Variants in EIF3H observed in about 807,000 individuals in gnomAD.
EIF3H encodes eIF-3-gamma.
Under a neutral mutation model 44.2 loss-of-function variants are expected in EIF3H, and 26 were observed. The ratio of observed to expected loss-of-function variants is 0.59; its 90% CI spans 0.43 to 0.82. EIF3H has a LOEUF of 0.82. Among genes scored for constraint, EIF3H ranks in the 40% least tolerant of loss-of-function variants. The probability of loss-of-function intolerance (pLI) is 0.00; values close to 1 mark genes in which losing one functional copy is unlikely to be tolerated. For missense variants in EIF3H, 359 were observed against 432.8 expected, an observed-to-expected ratio of 0.83 and a Z score of 1.51; for synonymous variants, 166 against 151.9, an observed-to-expected ratio of 1.09 and a Z score of -0.68.
intron 5 of EIF3H, among the ~76,000 whole-genome samples, 183 bp from the exon 6 acceptor site, chr8:116,649,109 G>A (rs913246368): frequency 1.3e-5 from 2 of 152,162 alleles, no homozygotes; most frequent in Non-Finnish European, 2.9e-5. Flanking sequence ...TTTCCATACC[G>A]AACTTCCAAC....
At chr8:116,688,809 G>T (rs1306638113) in intron 2 of EIF3H, among the ~76,000 whole-genome samples, 1 of 152,134 alleles carries the variant, frequency 6.6e-6, no homozygotes, top group East Asian at 1.9e-4. Context: ...TAGAATACGA[G>T]AAGTAATAAA....
intron 1 of EIF3H, among the ~76,000 whole-genome samples, chr8:116,731,292 A>G (rs969793971): frequency 6.6e-6 from 1 of 152,212 alleles, no homozygotes; most frequent in African/African-American, 2.4e-5. Flanking sequence ...TTTAAAGTAT[A>G]CTAATGCGTG....
chr8:116,646,634 T>C, intron 6 of EIF3H, 31 bp from the exon 7 acceptor site: 1 of 1,610,672 alleles, frequency 6.2e-7, no homozygotes, highest in Non-Finnish European at 8.5e-7. Context: ...GGTTTGGTTA[T>C]TTTTCTCCAT....
At chr8:116,702,322 G>A (rs923925095) in intron 2 of EIF3H, among the ~76,000 whole-genome samples, 1 of 152,198 alleles carries the variant, frequency 6.6e-6, no homozygotes, top group African/African-American at 2.4e-5. Context: ...AGAGAGAAAA[G>A]CAGGAATTAC....
intron 2 of EIF3H, among the ~76,000 whole-genome samples, chr8:116,708,718 T>C (rs1171207731): frequency 6.6e-6 from 1 of 152,106 alleles, no homozygotes; most frequent in Non-Finnish European, 1.5e-5. Context: ...AGTACTTTAT[T>C]CTTAAAACAT....
intron 1 of EIF3H, among the ~76,000 whole-genome samples, chr8:116,752,700 GA>G (rs1424584278): frequency 3.1e-5 from 4 of 127,920 alleles, no homozygotes; most frequent in African/African-American, 8.6e-5. Flanking sequence ...AAGAAAGAAA[GA>G]AAGAAAGAAA....
At chr8:116,732,481 T>C (rs1218013783) in intron 1 of EIF3H, among the ~76,000 whole-genome samples, 1 of 152,140 alleles carries the variant, frequency 6.6e-6, no homozygotes, top group Non-Finnish European at 1.5e-5. Flanking sequence ...AAAGACTCAG[T>C]TCCATGACAG....
chr8:116,717,882 A>T (rs1814680081), intron 2 of EIF3H, among the ~76,000 whole-genome samples: 1 of 152,182 alleles, frequency 6.6e-6, no homozygotes, highest in Non-Finnish European at 1.5e-5. Context: ...AACAAAACCA[A>T]GATAAATTGA....
chr8:116,674,200 ACT>A (rs910729221), intron 2 of EIF3H, among the ~76,000 whole-genome samples: 9 of 151,510 alleles, frequency 5.9e-5, no homozygotes, highest in Admixed American at 1.3e-4. Flanking sequence ...AAAGCCCAAG[ACT>A]CTGCTGAGTA....
chr8:116,681,776 C>T (rs537882674), intron 2 of EIF3H, among the ~76,000 whole-genome samples: 1 of 151,842 alleles, frequency 6.6e-6, no homozygotes, highest in African/African-American at 2.4e-5. Context: ...ATAAACAATT[C>T]TTTTCTAAAT....
rs1554603840 is a variant in EIF3H at position 116,752,730 on chromosome 8, A to AG, written c.132+2935_132+2936insC. ...AAAGAAAGAAAGAAAGAAAGAAAGA[A>AG]AGAAGAGAAAGAAAGAAAGAAAGAG... is the stretch of plus-strand genomic sequence containing the variant. On this transcript the variant is annotated intron_variant, in intron 1 of 7. Transcript: ENST00000521861. Among the ~76,000 whole-genome samples the AG allele has an allele frequency of 1.8e-3, 230 of 128,766 alleles. 1 individual carries two copies. The highest frequency in any genetic ancestry group is 2.1e-3 in the African/African-American group (73 of 35,572). The allele number at this position is 128,766 out of a possible 152,430, so 84.5% of individuals were successfully genotyped here.
At chr8:116,743,065 G>T (rs965114533) in intron 1 of EIF3H, among the ~76,000 whole-genome samples, 3 of 152,132 alleles carry the variant, frequency 2.0e-5, no homozygotes, top group Admixed American at 2.0e-4. Flanking sequence ...TCTCCAAAAG[G>T]AAATACTTTT....
rs111958821 is a variant in EIF3H at position 116,676,455 on chromosome 8, G to T, written c.290-17475C>A. ...TGGCAGGATGAAGTGCTGAGCAAAGGGGGGAAGAGCCTCTTATAAAACCAT... is the reference window on the plus strand; with the variant it reads ...TGGCAGGATGAAGTGCTGAGCAAAGTGGGGAAGAGCCTCTTATAAAACCAT... On this transcript the variant is annotated intron_variant, in intron 2 of 7. Transcript: ENST00000521861. Among the ~76,000 whole-genome samples the T allele has an allele frequency of 6.6e-5, 10 of 152,158 alleles. 1 individual carries two copies. The highest frequency in any genetic ancestry group is 2.6e-4 in the Admixed American group (4 of 15,280).
At chr8:116,747,966 C>T (rs1815265997) in intron 1 of EIF3H, among the ~76,000 whole-genome samples, 1 of 151,954 alleles carries the variant, frequency 6.6e-6, no homozygotes, top group South Asian at 2.1e-4. Context: ...AAAAAATTAG[C>T]CAGGCGTGGT....
rs539604288 is a variant in EIF3H, at chr8:116,708,098, GA to G, written c.289+17917del. 3.9e-3 allele frequency among the ~76,000 whole-genome samples: 591 copies of G among 151,848 alleles called. 6 individuals carry two copies. The highest frequency in any genetic ancestry group is 0.013 in the African/African-American group (541 of 41,426). Reference sequence around the variant, plus strand: ...TTAAAATACTTTTCTCCTTTATCAGGAAAAACAAAAAGGCTGTTGATTGTCA... The same window carrying G: ...TTAAAATACTTTTCTCCTTTATCAGGAAAACAAAAAGGCTGTTGATTGTCA... On this transcript the variant is annotated intron_variant, in intron 2 of 7. Transcript: ENST00000521861.
At chr8:116,661,273 G>A (rs1276963704) in intron 2 of EIF3H, among the ~76,000 whole-genome samples, 1 of 152,084 alleles carries the variant, frequency 6.6e-6, no homozygotes, top group Non-Finnish European at 1.5e-5. Flanking sequence ...AAAGGGAAGA[G>A]GAGAGATTAA....
At chr8:116,683,390 G>A (rs1018909703) in intron 2 of EIF3H, among the ~76,000 whole-genome samples, 1 of 152,090 alleles carries the variant, frequency 6.6e-6, no homozygotes, top group Admixed American at 6.5e-5. Context: ...TTTTCTCACT[G>A]TGTCCTCAGG....
intron 5 of EIF3H, among the ~76,000 whole-genome samples, chr8:116,654,668 T>C (rs189680900): frequency 2.0e-5 from 3 of 152,320 alleles, no homozygotes; most frequent in African/African-American, 7.2e-5. Flanking sequence ...AGTATGCTTT[T>C]TGGTGCCAAA....
upstream of EIF3H, among the ~76,000 whole-genome samples, chr8:116,757,810 C>T (rs567562026): frequency 2.2e-4 from 34 of 151,930 alleles, no homozygotes; most frequent in East Asian, 6.2e-3. Context: ...CAACCTCCGC[C>T]TCCCAGGTTC....
Sources: gnomAD v4.1 joint callset for allele counts (sites outside exome capture counted in the v4.1 genomes callset) on GRCh38, gnomAD v4.1.1 for gene constraint, MANE v1.5 for transcripts, NCBI Gene and HGNC (gene_info 2026-07-23, HGNC 2026-07-21) for gene names.